Variants in SEMA6A observed in about 807,000 individuals in gnomAD.
SEMA6A encodes semaphorin 6A.
SEMA6A carries 25 observed loss-of-function variants against 96.8 expected under a neutral mutation model. That is an observed-to-expected ratio of 0.26 (90% CI 0.19 to 0.36). The LOEUF is 0.36. Ranked by LOEUF, SEMA6A falls within the 10% of genes least tolerant of loss-of-function variation. The pLI is 1.00. For synonymous variants in SEMA6A, 612 were observed against 518.0 expected (o/e 1.18, Z -2.46); for missense variants, 1,363 against 1,323.1 (o/e 1.03, Z -0.47).
At chr5:116,573,369 G>A (rs763601287) in intron 1 of SEMA6A, among the ~76,000 whole-genome samples, 2 of 151,686 alleles carry the variant, frequency 1.3e-5, no homozygotes, top group Non-Finnish European at 2.9e-5. Flanking sequence ...GCGCCAGCCC[G>A]GTGCAAAGGG....
chr5:116,480,323 CT>C, intron 11 of SEMA6A, 46 bp from the exon 12 acceptor site: 1 of 1,606,094 alleles, frequency 6.2e-7, no homozygotes, highest in Admixed American at 1.7e-5. Flanking sequence ...TATTTTCTGC[CT>C]TATGGCAAAT....
At chr5:116,535,281 C>T (rs1051071712) in intron 1 of SEMA6A, among the ~76,000 whole-genome samples, 23 of 152,306 alleles carry the variant, frequency 1.5e-4, no homozygotes, top group African/African-American at 5.3e-4. Context: ...GCGGGAGAAA[C>T]AGAGAAGCTG....
intron 1 of SEMA6A, among the ~76,000 whole-genome samples, chr5:116,573,769 C>T (rs1308462665): frequency 3.3e-5 from 5 of 152,120 alleles, no homozygotes; most frequent in African/African-American, 1.2e-4. Context: ...AACCCCTTCC[C>T]CTGCCTTCGA....
At chr5:116,454,805 T>A (rs1754899820) in intron 18 of SEMA6A, among the ~76,000 whole-genome samples, 1 of 150,510 alleles carries the variant, frequency 6.6e-6, no homozygotes, top group Admixed American at 6.6e-5. Context: ...TGTGTGTGTG[T>A]GTGTGCATGT....
chr5:116,478,796 G>A (rs538593924), intron 12 of SEMA6A, 78 bp from the exon 13 acceptor site: 497 of 1,403,156 alleles, frequency 3.5e-4, no homozygotes, highest in Non-Finnish European at 4.6e-4. Flanking sequence ...TCAAACAGCT[G>A]CGACATAGCC....
intron 1 of SEMA6A, among the ~76,000 whole-genome samples, chr5:116,518,241 C>T (rs889876980): frequency 6.6e-6 from 1 of 152,174 alleles, no homozygotes; most frequent in South Asian, 2.1e-4. Flanking sequence ...CTGTCCCTCA[C>T]CTTTCTTTCT....
chr5:116,537,798 G>C (rs1759785024), intron 1 of SEMA6A, among the ~76,000 whole-genome samples: 1 of 152,004 alleles, frequency 6.6e-6, no homozygotes, highest in Admixed American at 6.6e-5. Context: ...ATATAAGTAT[G>C]CAAGTAAGCA....
At chr5:116,461,238 T>G (rs992759216) in intron 18 of SEMA6A, among the ~76,000 whole-genome samples, 2 of 152,236 alleles carry the variant, frequency 1.3e-5, no homozygotes, top group Non-Finnish European at 2.9e-5. Flanking sequence ...TCACTATCTC[T>G]TCGCGTTCCT....
At chr5:116,455,466 A>AC (rs1380962379) in intron 18 of SEMA6A, among the ~76,000 whole-genome samples, 1 of 152,216 alleles carries the variant, frequency 6.6e-6, no homozygotes. Flanking sequence ...GACGAGAAAC[A>AC]CAACATCTAA....
intron 18 of SEMA6A, among the ~76,000 whole-genome samples, chr5:116,458,185 A>G (rs1325933054): frequency 6.6e-6 from 1 of 152,218 alleles, no homozygotes; most frequent in Non-Finnish European, 1.5e-5. Context: ...CACATAATGC[A>G]AACTACTAAT....
In SEMA6A at chr5:116,475,656, C is replaced by G; in HGVS notation, c.1650-53G>C. On this transcript the variant is annotated intron_variant, in intron 15 of 18. Transcript: ENST00000343348. ...CAGAAATGAATACAATAACGTGAGT[C>G]TTCAGAAATGAGTCAAGCTTCACTA... The G allele has an allele frequency of 2.2e-6, 3 of 1,348,304 alleles. No individual in the cohort carries two copies. The South Asian group carries it at 3.8e-5, about 17-fold the overall frequency. The allele number at this position is 1,348,304 out of a possible 1,614,324, so 83.5% of individuals were successfully genotyped here. A position where few individuals can be genotyped will look rare whatever the true frequency, so the allele number is the denominator to read the frequency against.
intron 1 of SEMA6A, among the ~76,000 whole-genome samples, chr5:116,523,129 T>C (rs781652771): frequency 1.3e-5 from 2 of 152,118 alleles, no homozygotes; most frequent in African/African-American, 4.8e-5. Context: ...CTCTTTTTAT[T>C]CATTTATTCA....
chr5:116,481,569 AAG>A (rs1756772297), intron 11 of SEMA6A, among the ~76,000 whole-genome samples: 2 of 152,132 alleles, frequency 1.3e-5, no homozygotes, highest in Admixed American at 6.6e-5. Flanking sequence ...GAGGTTGCGG[AAG>A]AGAGTTGAAA....
Position 116,488,106 on chromosome 5 carries a change from A to G in SEMA6A, c.744+2T>C. The G allele has an allele frequency of 6.3e-7, 1 of 1,590,136 alleles. No homozygotes were observed. Among genetic ancestry groups the G allele is most frequent in the Non-Finnish European group, 8.6e-7 (1 of 1,159,636 alleles). On this transcript the variant is annotated splice_donor_variant, in intron 9 of 18. Coordinates refer to ENST00000343348, the MANE Select transcript of SEMA6A (RefSeq NM_020796.5). LOFTEE classifies it high-confidence loss of function. ...TGAGCCAAGGACAGCATCCCCTCTT[A>G]CCTTTCCCATGGTGTTATACTCCAC...
At position 116,447,631 on chromosome 5, in the gene SEMA6A, G is replaced by T; in HGVS notation, c.2075C>A (p.Thr692Asn). 2 of 1,614,040 alleles carry T rather than the reference G, an allele frequency of 1.2e-6. No individual in the cohort carries two copies. Among genetic ancestry groups the T allele is most frequent in the Non-Finnish European group, 1.7e-6 (2 of 1,179,892 alleles). Residue 692 changes from threonine to asparagine, a missense_variant, in exon 19 of 19, where the codon ACC becomes AAC. Transcript: ENST00000343348. ...GCTCATGGAGCCCCGGCGCGAGTGGGTGAGCTCCTTCTCCTTGCGCTGCAC... is the reference window on the plus strand; with the variant it reads ...GCTCATGGAGCCCCGGCGCGAGTGGTTGAGCTCCTTCTCCTTGCGCTGCAC... ...AVVQRKEKEL[T>N]HSRRGSMSSV...
chr5:116,562,927 A>G (rs1295224309), intron 1 of SEMA6A: 6 of 588,954 alleles, frequency 1.0e-5, no homozygotes, highest in Non-Finnish European at 1.9e-5. Flanking sequence ...CCCCTCGGGT[A>G]TGAAGATGGG....
chr5:116,545,546 G>T (rs1302391841), intron 1 of SEMA6A, among the ~76,000 whole-genome samples: 2 of 152,036 alleles, frequency 1.3e-5, no homozygotes, highest in Non-Finnish European at 2.9e-5. Flanking sequence ...CTCCAGCCTG[G>T]GGGACAAGAG....
At chr5:116,555,724 C>T (rs1273109546) in intron 1 of SEMA6A, among the ~76,000 whole-genome samples, 1 of 151,954 alleles carries the variant, frequency 6.6e-6, no homozygotes, top group Non-Finnish European at 1.5e-5. Context: ...CCTGTAATCC[C>T]AGCTACTCAG....
At chr5:116,464,190 G>A (rs2112635768) in intron 18 of SEMA6A, among the ~76,000 whole-genome samples, 1 of 152,272 alleles carries the variant, frequency 6.6e-6, no homozygotes, top group East Asian at 1.9e-4. Context: ...AGTTATAGGA[G>A]GAATAAATAA....
Sources: gnomAD v4.1 joint callset for allele counts (sites outside exome capture counted in the v4.1 genomes callset) on GRCh38, gnomAD v4.1.1 for gene constraint, MANE v1.5 for transcripts, NCBI Gene and HGNC (gene_info 2026-07-23, HGNC 2026-07-21) for gene names.